Variants in KAZN observed in about 807,000 individuals in gnomAD.
The protein encoded by KAZN is kazrin, periplakin interacting protein.
A neutral mutation model predicts 87.4 loss-of-function variants in KAZN; 40 were observed. The observed-to-expected ratio is 0.46, with a 90% confidence interval of 0.36 to 0.60. The LOEUF is 0.60. Among genes scored for constraint, KAZN ranks in the 20% least tolerant of loss-of-function variants. The pLI is 0.00. For synonymous variants in KAZN, 466 were observed against 458.3 expected (o/e 1.02, Z -0.22); for missense variants, 898 against 1,073.9 (o/e 0.84, Z 2.29).
chr1:14,910,595 C>T (rs1657146275), intron 1 of KAZN, among the ~76,000 whole-genome samples: 1 of 152,180 alleles, frequency 6.6e-6, no homozygotes, highest in Non-Finnish European at 1.5e-5. Flanking sequence ...CAAACCACTG[C>T]TATCTGGAGT....
intron 2 of KAZN, among the ~76,000 whole-genome samples, chr1:14,264,561 T>C (rs1324607773): frequency 6.6e-6 from 1 of 152,164 alleles, no homozygotes; most frequent in Non-Finnish European, 1.5e-5. Context: ...CCTCTCTCTC[T>C]CCCACCCTCA....
At chr1:15,019,519 T>C (rs571446349) in intron 2 of KAZN, among the ~76,000 whole-genome samples, 1 of 152,178 alleles carries the variant, frequency 6.6e-6, no homozygotes, top group Non-Finnish European at 1.5e-5. Context: ...CTCCCTAGTA[T>C]CTGGGATTAC....
intron 2 of KAZN, among the ~76,000 whole-genome samples, chr1:14,213,767 G>C (rs941045501): frequency 1.3e-5 from 2 of 152,200 alleles, no homozygotes; most frequent in African/African-American, 2.4e-5. Flanking sequence ...TGTGGGAGCA[G>C]GGAAGATTAG....
chr1:14,107,186 C>A (rs112808981), intron 1 of KAZN, among the ~76,000 whole-genome samples: 8 of 151,454 alleles, frequency 5.3e-5, no homozygotes, highest in African/African-American at 1.9e-4. Flanking sequence ...TCATTCAGAG[C>A]CCAGGTGAGA....
intron 1 of KAZN, among the ~76,000 whole-genome samples, chr1:13,984,200 C>T (rs759520952): frequency 1.3e-5 from 2 of 151,958 alleles, no homozygotes; most frequent in African/African-American, 2.4e-5. Flanking sequence ...TTGGTAGAGA[C>T]GGGGTTTCAC....
chr1:14,041,755 T>C (rs1482589454), intron 1 of KAZN, among the ~76,000 whole-genome samples: 1 of 152,246 alleles, frequency 6.6e-6, no homozygotes, highest in Non-Finnish European at 1.5e-5. Context: ...CTCCTTCCCT[T>C]GTAGTTTCCT....
At chr1:14,581,311 C>G (rs1675532527) in intron 2 of KAZN, among the ~76,000 whole-genome samples, 1 of 152,154 alleles carries the variant, frequency 6.6e-6, no homozygotes, top group African/African-American at 2.4e-5. Context: ...TCAGGTCATC[C>G]TTTTCTCCTC....
In KAZN at chr1:14,041,720, T is replaced by A. The variant is rs754459415; in HGVS notation, c.92-138715T>A. On this transcript the variant is annotated intron_variant, in intron 1 of 16. Coordinates refer to the KAZN transcript ENST00000636203. ...TTTCATCCAAAGTCTTCTTTTTCAG[T>A]AGTTACTTCCCCATGTTAGTGGACC... Among the ~76,000 whole-genome samples, 4 of 152,214 alleles carry A rather than the reference T, an allele frequency of 2.6e-5. No individual in the cohort carries two copies. In the South Asian group the frequency reaches 8.3e-4, roughly 31 times the overall value.
intron 1 of KAZN, among the ~76,000 whole-genome samples, chr1:13,936,771 C>T (rs922208097): frequency 1.3e-5 from 2 of 152,054 alleles, no homozygotes; most frequent in African/African-American, 2.4e-5. Flanking sequence ...TAGGTTATGT[C>T]GATTTCATGA....
At chr1:14,136,766 T>C (rs1288225022) in intron 1 of KAZN, among the ~76,000 whole-genome samples, 2 of 152,146 alleles carry the variant, frequency 1.3e-5, no homozygotes, top group Admixed American at 6.5e-5. Flanking sequence ...ATGCTCCAAA[T>C]TGCAACTCTT....
At chr1:14,943,830 G>A (rs1170233961) in intron 1 of KAZN, among the ~76,000 whole-genome samples, 1 of 152,246 alleles carries the variant, frequency 6.6e-6, no homozygotes, top group Non-Finnish European at 1.5e-5. Flanking sequence ...CCACCACTTT[G>A]GGAGGCTGAG....
chr1:14,301,555 C>T lies in KAZN; in HGVS notation c.249+120963C>T, dbSNP rs556518292. 9.2e-5 allele frequency among the ~76,000 whole-genome samples: 14 copies of T among 152,332 alleles called. 1 individual carries two copies. Among genetic ancestry groups the T allele is most frequent in the East Asian group, 3.9e-4 (2 of 5,172 alleles). The stretch of plus-strand genomic sequence containing the variant: ...GTGATTCATGTGAGGCGCTGGCACC[C>T]GCCTTCCTCTTTGACAAGGCGGCTC... On this transcript the variant is annotated intron_variant, in intron 2 of 16. Transcript: ENST00000636203.
chr1:14,665,681 C>G (rs1639489635), intron 1 of KAZN, among the ~76,000 whole-genome samples: 1 of 152,082 alleles, frequency 6.6e-6, no homozygotes. Flanking sequence ...GCTAACCATC[C>G]TTACCTCCTA....
At position 15,101,164 on chromosome 1, in the gene KAZN, T is replaced by TCTCTCTCTCTCTCTCTCTC. The variant is rs1553190085; in HGVS notation, c.1548-379_1548-378insCTCTCTCTCTCTCTCTCTC. ...CCTTTCTGTTCTTGAGTCTCGGTCT[T>TCTCTCTCTCTCTCTCTCTC]TCTCTCTCTCTCTCTCTCTCTCTGC... On this transcript the variant is annotated intron_variant, in intron 10 of 14. Coordinates refer to ENST00000376030, the MANE Select transcript of KAZN (RefSeq NM_201628.3). Among the ~76,000 whole-genome samples the TCTCTCTCTCTCTCTCTCTC allele has an allele frequency of 5.5e-4, 70 of 127,840 alleles. 1 individual carries two copies. The highest frequency in any genetic ancestry group is 1.9e-3 in the African/African-American group (68 of 36,002). The allele number at this position is 127,840 out of a possible 152,430, so 83.9% of individuals were successfully genotyped here.
intron 2 of KAZN, among the ~76,000 whole-genome samples, chr1:14,416,567 T>C (rs1664778256): frequency 6.6e-6 from 1 of 151,998 alleles, no homozygotes. Context: ...TGAAAGCCCA[T>C]CTCTAATAAA....
chr1:14,959,813 G>A (rs1378988600), intron 1 of KAZN, among the ~76,000 whole-genome samples: 6 of 152,090 alleles, frequency 3.9e-5, no homozygotes, highest in Non-Finnish European at 8.8e-5. Context: ...GTGTCTATCC[G>A]CCCGCAGGAC....
At chr1:14,335,586 A>G (rs566599172) in intron 2 of KAZN, among the ~76,000 whole-genome samples, 4 of 152,072 alleles carry the variant, frequency 2.6e-5, no homozygotes, top group African/African-American at 9.6e-5. Flanking sequence ...CATGATTTTA[A>G]GTTTCCTGAG....
chr1:15,046,284 C>G (rs1442973408), intron 4 of KAZN, among the ~76,000 whole-genome samples: 4 of 100,266 alleles, frequency 4.0e-5, no homozygotes, highest in South Asian at 3.0e-4. Context: ...GGCAACAGAG[C>G]AAGACTCCGT....
At chr1:14,447,952 C>T (rs1667075310) in intron 2 of KAZN, among the ~76,000 whole-genome samples, 1 of 152,212 alleles carries the variant, frequency 6.6e-6, no homozygotes, top group African/African-American at 2.4e-5. Flanking sequence ...AAACCTGGAA[C>T]AGAGGCAGGA....
Sources: gnomAD v4.1 joint callset for allele counts (sites outside exome capture counted in the v4.1 genomes callset) on GRCh38, gnomAD v4.1.1 for gene constraint, MANE v1.5 for transcripts, NCBI Gene and HGNC (gene_info 2026-07-23, HGNC 2026-07-21) for gene names.